PPM1E: variants seen among roughly 807,000 people sequenced by gnomAD.
The protein encoded by PPM1E is protein phosphatase, Mg2+/Mn2+ dependent 1E.
Under a neutral mutation model 65.9 loss-of-function variants are expected in PPM1E, and 20 were observed. That is an observed-to-expected ratio of 0.30 (90% CI 0.21 to 0.44). The LOEUF (loss-of-function observed/expected upper bound fraction) is 0.44. Ranked by LOEUF, PPM1E falls within the 20% of genes least tolerant of loss-of-function variation. The pLI is 1.00. For synonymous variants in PPM1E, 352 were observed against 374.9 expected, an observed-to-expected ratio of 0.94 and a Z score of 0.70; for missense variants, 713 against 953.1, an observed-to-expected ratio of 0.75 and a Z score of 3.32.
At chr17:58,952,179 CT>C (rs1441687464) in intron 1 of PPM1E, among the ~76,000 whole-genome samples, 1 of 152,176 alleles carries the variant, frequency 6.6e-6, no homozygotes, top group Non-Finnish European at 1.5e-5. Flanking sequence ...AGTCATGTAG[CT>C]TTACTGGGGT....
intron 3 of PPM1E, among the ~76,000 whole-genome samples, chr17:58,967,500 A>T (rs1049468655): frequency 1.3e-5 from 2 of 150,042 alleles, no homozygotes; most frequent in Non-Finnish European, 3.0e-5. Context: ...ATTTATATAT[A>T]TGTGTATATA....
intron 1 of PPM1E, among the ~76,000 whole-genome samples, chr17:58,787,786 A>C (rs1025122076): frequency 1.3e-5 from 2 of 151,678 alleles, no homozygotes; most frequent in African/African-American, 4.8e-5. Context: ...AGGCGCCTGT[A>C]GTCCCAGCTA....
chr17:58,918,821 A>C (rs2051716454), intron 1 of PPM1E, among the ~76,000 whole-genome samples: 1 of 151,548 alleles, frequency 6.6e-6, no homozygotes, highest in Non-Finnish European at 1.5e-5. Context: ...AAAAAAAAAA[A>C]AAAAAAAAAG....
At position 58,755,982 on chromosome 17, in the gene PPM1E, T is replaced by C. The variant is rs377246099; in HGVS notation, c.-16T>C. ...CCCCAACCCCTTTCCCGGTCTGCCC[T>C]GGGGCATGAGCAGCGATGGCCGGCT... On this transcript the variant is annotated 5_prime_UTR_variant, in exon 1 of 7. Transcript: ENST00000308249. The C allele has an allele frequency of 1.1e-5, 17 of 1,613,876 alleles. No individual in the cohort carries two copies. The highest frequency in any genetic ancestry group is 1.4e-5 in the Non-Finnish European group (17 of 1,179,884).
chr17:58,838,947 A>G (rs143749540), intron 1 of PPM1E, among the ~76,000 whole-genome samples: 129 of 152,344 alleles, frequency 8.5e-4, no homozygotes, highest in Admixed American at 1.9e-3. Flanking sequence ...AACAATTCCA[A>G]TTATATAACA....
intron 1 of PPM1E, among the ~76,000 whole-genome samples, chr17:58,871,333 G>A (rs1391587482): frequency 6.6e-6 from 1 of 152,036 alleles, no homozygotes; most frequent in Non-Finnish European, 1.5e-5. Context: ...GAGCCTCCGT[G>A]CCTGGCTCTG....
intron 1 of PPM1E, among the ~76,000 whole-genome samples, chr17:58,856,484 C>A (rs1476762277): frequency 1.3e-5 from 2 of 152,050 alleles, no homozygotes; most frequent in East Asian, 3.8e-4. Context: ...ATGATGTCTT[C>A]CAACAATTAA....
intron 1 of PPM1E, among the ~76,000 whole-genome samples, chr17:58,852,344 C>T (rs2050835201): frequency 6.6e-6 from 1 of 152,172 alleles, no homozygotes; most frequent in Non-Finnish European, 1.5e-5. Context: ...TTCTGTGTTG[C>T]TCATGCTGGG....
At chr17:58,979,616 C>T (rs759905697) in intron 6 of PPM1E, among the ~76,000 whole-genome samples, 5 of 152,184 alleles carry the variant, frequency 3.3e-5, no homozygotes, top group Admixed American at 6.6e-5. Context: ...ACTGAATCAA[C>T]CATGTCTTCC....
chr17:58,787,142 G>C (rs1296534377), intron 1 of PPM1E, among the ~76,000 whole-genome samples: 1 of 152,186 alleles, frequency 6.6e-6, no homozygotes, highest in Admixed American at 6.6e-5. Context: ...AATTCTATTA[G>C]ATAAGGAATT....
At chr17:58,978,693 A>AAAAAAT (rs986241939) in intron 6 of PPM1E, among the ~76,000 whole-genome samples, 7 of 152,350 alleles carry the variant, frequency 4.6e-5, no homozygotes, top group South Asian at 2.1e-4. Flanking sequence ...CCTGGGCGAC[A>AAAAAAT]AAAAATAAAA....
chr17:58,827,968 C>G (rs2050559505), intron 1 of PPM1E, among the ~76,000 whole-genome samples: 1 of 151,088 alleles, frequency 6.6e-6, no homozygotes. Context: ...CCTGTAACCC[C>G]AGCACTTTGG....
At chr17:58,879,425 CTG>C (rs1005251797) in intron 1 of PPM1E, among the ~76,000 whole-genome samples, 2 of 146,370 alleles carry the variant, frequency 1.4e-5, no homozygotes, top group African/African-American at 5.0e-5. Context: ...ATTGTTTACT[CTG>C]TATTTTTCAC....
intron 2 of PPM1E, among the ~76,000 whole-genome samples, chr17:58,965,190 G>A (rs2030184736): frequency 6.6e-6 from 1 of 152,060 alleles, no homozygotes; most frequent in Non-Finnish European, 1.5e-5. Context: ...GGTAAGCAAC[G>A]TAAACCCTTC....
chr17:58,927,690 G>T (rs2051841204), intron 1 of PPM1E, among the ~76,000 whole-genome samples: 1 of 151,642 alleles, frequency 6.6e-6, no homozygotes. Flanking sequence ...CAGGTGGATT[G>T]CTTGAGCCCA....
chr17:58,767,636 ATTATTTAT>A (rs1269999606), intron 1 of PPM1E, among the ~76,000 whole-genome samples: 1 of 151,846 alleles, frequency 6.6e-6, no homozygotes, highest in Non-Finnish European at 1.5e-5. Context: ...CTCTTTTAAA[ATTATTTAT>A]TTATTTATTT....
At chr17:58,827,774 C>T (rs907202729) in intron 1 of PPM1E, among the ~76,000 whole-genome samples, 6 of 149,508 alleles carry the variant, frequency 4.0e-5, no homozygotes, top group South Asian at 2.1e-4. Flanking sequence ...TGGTGGCGCG[C>T]GCCTGTAGTC....
intron 1 of PPM1E, among the ~76,000 whole-genome samples, chr17:58,794,981 C>T (rs557165229): frequency 2.6e-5 from 4 of 151,396 alleles, no homozygotes; most frequent in Admixed American, 6.6e-5. Flanking sequence ...TTCCGCCTCC[C>T]GAGTTCAAGC....
At chr17:58,944,257 T>C (rs1246982005) in intron 1 of PPM1E, among the ~76,000 whole-genome samples, 1 of 152,198 alleles carries the variant, frequency 6.6e-6, no homozygotes, top group African/African-American at 2.4e-5. Context: ...GAGATATAAT[T>C]CGCATAATAT....
Sources: allele counts gnomAD v4.1 joint callset (sites outside exome capture counted in the v4.1 genomes callset), GRCh38; gene constraint gnomAD v4.1.1; transcripts MANE v1.5; gene names NCBI Gene and HGNC (gene_info 2026-07-23, HGNC 2026-07-21).